Variants in RBPJ observed in about 807,000 individuals in gnomAD.
The protein encoded by RBPJ is recombination signal binding protein for immunoglobulin kappa J region, also known as recombining binding protein suppressor of hairless.
Under a neutral mutation model 67.8 loss-of-function variants are expected in RBPJ, and 9 were observed. The ratio of observed to expected loss-of-function variants is 0.13; its 90% CI spans 0.08 to 0.23. The LOEUF (loss-of-function observed/expected upper bound fraction) is 0.23, where lower values mean the gene tolerates loss of function less well. Among genes scored for constraint, RBPJ ranks in the 10% least tolerant of loss-of-function variants. The pLI, the probability that RBPJ is intolerant of heterozygous loss-of-function variation, is 1.00. For synonymous variants in RBPJ, 198 were observed against 203.3 expected (o/e 0.97, Z 0.22); for missense variants, 305 against 595.6 (o/e 0.51, Z 5.08).
intron 1 of RBPJ, among the ~76,000 whole-genome samples, chr4:26,362,900 A>G (rs1195925466): frequency 6.6e-6 from 1 of 152,166 alleles, no homozygotes; most frequent in Non-Finnish European, 1.5e-5. Context: ...CTGTAATTTC[A>G]TTCACCAAAT....
chr4:26,414,513 A>G (rs1407748258), intron 3 of RBPJ, among the ~76,000 whole-genome samples: 1 of 152,142 alleles, frequency 6.6e-6, no homozygotes, highest in East Asian at 1.9e-4. Context: ...CATTTATATT[A>G]CTTATGTGGC....
intron 1 of RBPJ, among the ~76,000 whole-genome samples, chr4:26,323,666 T>C (rs753338992): frequency 1.3e-5 from 2 of 152,182 alleles, no homozygotes; most frequent in Non-Finnish European, 2.9e-5. Flanking sequence ...TTTTAAGCAG[T>C]TAGGTTTGTT....
chr4:26,170,844 A>C (rs958843819), intron 1 of RBPJ, among the ~76,000 whole-genome samples: 13 of 152,228 alleles, frequency 8.5e-5, no homozygotes, highest in African/African-American at 3.1e-4. Flanking sequence ...CATCAGACAA[A>C]TCTTAATGCT....
intron 1 of RBPJ, among the ~76,000 whole-genome samples, chr4:26,244,883 C>G (rs1159094969): frequency 6.6e-6 from 1 of 151,994 alleles, no homozygotes; most frequent in East Asian, 1.9e-4. Context: ...ATCTGCCTGC[C>G]TCAGCCTCGC....
chr4:26,366,353 G>GT (rs201390910), intron 1 of RBPJ, among the ~76,000 whole-genome samples: 3,163 of 151,988 alleles, frequency 0.021, 53 homozygotes, highest in Non-Finnish European at 0.032. Context: ...CTTTGGTTTT[G>GT]TTTTTTTGTT....
At chr4:26,195,251 T>A (rs1473397451) in intron 1 of RBPJ, among the ~76,000 whole-genome samples, 1 of 152,126 alleles carries the variant, frequency 6.6e-6, no homozygotes, top group African/African-American at 2.4e-5. Flanking sequence ...ATGCCTGTAG[T>A]CCTACCTACT....
Position 26,433,354 on chromosome 4 carries a change from C to G in RBPJ, c.*2347C>G, listed in dbSNP as rs1736397682. 6.6e-6 allele frequency: 1 copy of G among 152,170 alleles called. No individual in the cohort carries two copies. The highest frequency in any genetic ancestry group is 1.5e-5 in the Non-Finnish European group (1 of 68,024). The allele number at this position is 152,170 out of a possible 1,614,324, so 9.4% of individuals were successfully genotyped here. Reference sequence around the variant, plus strand: ...TGTTCCTAGTGCTGCTTTGCTTTAACGGCCACAAGTTTCCTCCACTTCCTA... The same window carrying G: ...TGTTCCTAGTGCTGCTTTGCTTTAAGGGCCACAAGTTTCCTCCACTTCCTA... On this transcript the variant is annotated 3_prime_UTR_variant, in exon 11 of 11. Transcript: ENST00000355476.
the RBPJ span, among the ~76,000 whole-genome samples, chr4:26,155,435 T>C: frequency 1.2e-5 from 1 of 84,276 alleles, no homozygotes; most frequent in Non-Finnish European, 3.0e-5. Flanking sequence ...TCTCTCTCTC[T>C]TTTTTTTTTT....
intron 1 of RBPJ, chr4:26,362,400 T>A: frequency 8.0e-7 from 1 of 1,245,592 alleles, no homozygotes; most frequent in South Asian, 1.8e-5. Context: ...ACTAGCAGTT[T>A]AACATACCAA....
the RBPJ span, among the ~76,000 whole-genome samples, chr4:26,107,590 C>A: frequency 9.2e-5 from 14 of 152,218 alleles, no homozygotes; most frequent in African/African-American, 1.4e-4. Flanking sequence ...CCTTGGCCAA[C>A]GTGGCCCTCA....
At chr4:26,120,781 C>A in the RBPJ span, among the ~76,000 whole-genome samples, 2 of 137,978 alleles carry the variant, frequency 1.4e-5, no homozygotes, top group African/African-American at 5.6e-5. Flanking sequence ...ATAGATGAGA[C>A]CATTGAGGCG....
chr4:26,401,605 A>G (rs1431626612), intron 2 of RBPJ, among the ~76,000 whole-genome samples: 1 of 152,256 alleles, frequency 6.6e-6, no homozygotes. Context: ...TGAAAGGGAT[A>G]GAAATGTAAA....
intron 1 of RBPJ, among the ~76,000 whole-genome samples, chr4:26,383,645 A>G (rs1223556156): frequency 6.6e-6 from 1 of 152,200 alleles, no homozygotes; most frequent in African/African-American, 2.4e-5. Flanking sequence ...TGGCTTTTGT[A>G]CACTATTCTA....
At chr4:26,234,964 T>G (rs1719409220) in intron 1 of RBPJ, among the ~76,000 whole-genome samples, 1 of 152,176 alleles carries the variant, frequency 6.6e-6, no homozygotes. Flanking sequence ...AATGCTGGGA[T>G]TACAGGTGTG....
chr4:26,238,394 TTTC>T (rs1182389476), intron 1 of RBPJ, among the ~76,000 whole-genome samples: 43 of 152,330 alleles, frequency 2.8e-4, no homozygotes, highest in Middle Eastern at 3.4e-3. Context: ...GAGCCTCAGC[TTTC>T]TTGTCTGTAA....
chr4:26,406,683 T>C (rs1418464599), intron 3 of RBPJ, among the ~76,000 whole-genome samples: 1 of 152,238 alleles, frequency 6.6e-6, no homozygotes, highest in Admixed American at 6.5e-5. Context: ...AACTGATACC[T>C]GATTTGCTAC....
chr4:26,428,632 T>C (rs1735921037), intron 7 of RBPJ, 88 bp from the exon 8 acceptor site: 1 of 941,950 alleles, frequency 1.1e-6, no homozygotes, highest in East Asian at 2.5e-5. Context: ...TTATGCAGTA[T>C]ATAGCTTCTA....
chr4:26,371,799 G>A (rs1281047409), intron 1 of RBPJ, among the ~76,000 whole-genome samples: 1 of 152,118 alleles, frequency 6.6e-6, no homozygotes, highest in Non-Finnish European at 1.5e-5. Flanking sequence ...AATGATAGGT[G>A]GTTTGTTTAC....
At chr4:26,148,532 C>T in the RBPJ span, among the ~76,000 whole-genome samples, 1 of 152,054 alleles carries the variant, frequency 6.6e-6, no homozygotes, top group Non-Finnish European at 1.5e-5. Context: ...ATGGAGAGGT[C>T]AAGTGAACAT....
Sources: gnomAD v4.1 joint callset for allele counts (sites outside exome capture counted in the v4.1 genomes callset) on GRCh38, gnomAD v4.1.1 for gene constraint, MANE v1.5 for transcripts, NCBI Gene and HGNC (gene_info 2026-07-23, HGNC 2026-07-21) for gene names.